The following ZNF609 variants were observed in gnomAD, a reference collection of about 807,000 sequenced individuals.
The protein encoded by ZNF609 is zinc finger protein 609.
A neutral mutation model predicts 109.5 loss-of-function variants in ZNF609; 11 were observed. The ratio of observed to expected loss-of-function variants is 0.10; its 90% CI spans 0.06 to 0.17. ZNF609 has a LOEUF of 0.17. Ranked by LOEUF, ZNF609 falls within the 10% of genes least tolerant of loss-of-function variation. The probability of loss-of-function intolerance (pLI) is 1.00; values close to 1 mark genes in which losing one functional copy is unlikely to be tolerated. For missense variants in ZNF609, 1,559 were observed against 1,772.4 expected, an observed-to-expected ratio of 0.88 and a Z score of 2.16; for synonymous variants, 646 against 662.0, an observed-to-expected ratio of 0.98 and a Z score of 0.37.
intron 2 of ZNF609, among the ~76,000 whole-genome samples, chr15:64,576,080 C>A (rs1213652591): frequency 6.6e-6 from 1 of 151,976 alleles, no homozygotes; most frequent in African/African-American, 2.4e-5. Flanking sequence ...CCAGCCTGGG[C>A]GACAGAGCGA....
Position 64,508,334 on chromosome 15 carries a change from G to T in ZNF609, c.747+8168G>T, listed in dbSNP as rs1893665826. Among the ~76,000 whole-genome samples the T allele has an allele frequency of 3.3e-5, 5 of 152,292 alleles. No homozygotes were observed. In the South Asian group the frequency reaches 1.0e-3, roughly 32 times the overall value. ...AAATGTGAGCAGTAAGAAGTTCTTA[G>T]CAAAGTTTATAAATATTCTGTCCTT... On this transcript the variant is annotated intron_variant, in intron 2 of 9. Transcript: ENST00000326648.
At chr15:64,637,276 C>T (rs1349731295) in intron 3 of ZNF609, among the ~76,000 whole-genome samples, 1 of 152,102 alleles carries the variant, frequency 6.6e-6, no homozygotes, top group African/African-American at 2.4e-5. Flanking sequence ...GAGTATACTG[C>T]TACTTATTCA....
chr15:64,526,238 A>G (rs1412777826), intron 2 of ZNF609, among the ~76,000 whole-genome samples: 2 of 149,550 alleles, frequency 1.3e-5, no homozygotes, highest in East Asian at 3.9e-4. Flanking sequence ...TCTTGATTTC[A>G]TATTTGGATT....
At chr15:64,529,923 T>C (rs1029557811) in intron 2 of ZNF609, among the ~76,000 whole-genome samples, 8 of 143,928 alleles carry the variant, frequency 5.6e-5, no homozygotes, top group Admixed American at 2.8e-4. Flanking sequence ...AGAGACGGGG[T>C]TTTTCCATGT....
At chr15:64,628,517 G>T (rs1378104134) in intron 3 of ZNF609, among the ~76,000 whole-genome samples, 1 of 152,026 alleles carries the variant, frequency 6.6e-6, no homozygotes, top group Non-Finnish European at 1.5e-5. Context: ...CAGGTGTGGT[G>T]ATACATGCCT....
intron 1 of ZNF609, among the ~76,000 whole-genome samples, chr15:64,474,670 C>A (rs953019203): frequency 1.3e-5 from 2 of 152,136 alleles, no homozygotes; most frequent in African/African-American, 4.8e-5. Context: ...TGCCAGGCCA[C>A]ACATAGTCTT....
chr15:64,491,318 T>C (rs772145454), intron 1 of ZNF609, among the ~76,000 whole-genome samples: 14 of 152,234 alleles, frequency 9.2e-5, no homozygotes, highest in Non-Finnish European at 2.1e-4. Flanking sequence ...GTAACCATAC[T>C]GAAGCTGGCT....
At chr15:64,490,095 A>G (rs527285402) in intron 1 of ZNF609, among the ~76,000 whole-genome samples, 2 of 152,182 alleles carry the variant, frequency 1.3e-5, no homozygotes, top group African/African-American at 4.8e-5. Context: ...AGTAACTGAG[A>G]CTACAGGCAT....
intron 2 of ZNF609, among the ~76,000 whole-genome samples, chr15:64,585,894 G>A (rs1370989544): frequency 1.3e-5 from 2 of 152,132 alleles, no homozygotes; most frequent in Non-Finnish European, 2.9e-5. Flanking sequence ...CGTTCAGACT[G>A]GAGTGCGGTG....
chr15:64,670,495 T>C, intron 4 of ZNF609, 62 bp downstream of exon 4: 2 of 1,382,084 alleles, frequency 1.4e-6, no homozygotes, highest in Non-Finnish European at 2.1e-6. Flanking sequence ...TGATCCCTTA[T>C]ACTTTTATCC....
intron 2 of ZNF609, among the ~76,000 whole-genome samples, chr15:64,555,134 G>A (rs1160703061): frequency 2.6e-5 from 4 of 151,780 alleles, no homozygotes; most frequent in Non-Finnish European, 4.4e-5. Flanking sequence ...GGAGACCAAG[G>A]TGGGAGGATC....
intron 1 of ZNF609, among the ~76,000 whole-genome samples, chr15:64,467,215 C>G (rs1015658228): frequency 1.3e-5 from 2 of 152,216 alleles, no homozygotes; most frequent in Admixed American, 6.5e-5. Context: ...CAGGTGAGAG[C>G]TGTCTGATGC....
At chr15:64,515,353 A>T (rs1893790804) in intron 2 of ZNF609, among the ~76,000 whole-genome samples, 1 of 152,202 alleles carries the variant, frequency 6.6e-6, no homozygotes, top group South Asian at 2.1e-4. Flanking sequence ...AGGACTGGCC[A>T]AACAAGTTTT....
chr15:64,632,971 A>T (rs1896108311), intron 3 of ZNF609, among the ~76,000 whole-genome samples: 1 of 149,482 alleles, frequency 6.7e-6, no homozygotes, highest in African/African-American at 2.5e-5. Flanking sequence ...TTTTGTAGAG[A>T]TGGGGTCTCA....
intron 1 of ZNF609, among the ~76,000 whole-genome samples, chr15:64,461,430 A>T (rs1892939577): frequency 1.3e-5 from 2 of 151,140 alleles, no homozygotes; most frequent in Admixed American, 6.6e-5. Context: ...CTATCCTTGT[A>T]CCCCCGGGAG....
Position 64,509,615 on chromosome 15 carries a change from G to A in ZNF609, c.747+9449G>A, listed in dbSNP as rs564748132. Among the ~76,000 whole-genome samples the A allele has an allele frequency of 2.0e-5, 3 of 152,328 alleles. No homozygotes were observed. In the East Asian group the frequency reaches 5.8e-4, roughly 29 times the overall value. On this transcript the variant is annotated intron_variant, in intron 2 of 9. Transcript: ENST00000326648. ...GAGAGATTGATTCAGAGCATTTGGA[G>A]GCATTGAAGTTTGGGGTTTTGTTGT... is the stretch of plus-strand genomic sequence containing the variant.
intron 2 of ZNF609, among the ~76,000 whole-genome samples, chr15:64,551,652 CAA>C (rs536364048): frequency 6.8e-4 from 62 of 90,994 alleles, no homozygotes; most frequent in Middle Eastern, 7.8e-3. Flanking sequence ...AACTCTGTCT[CAA>C]AAAAAAAAAA....
intron 2 of ZNF609, among the ~76,000 whole-genome samples, chr15:64,576,919 T>C (rs1353428936): frequency 8.4e-5 from 11 of 130,366 alleles, no homozygotes; most frequent in Non-Finnish European, 1.0e-4. Context: ...TATATATACA[T>C]ATATGTGTAT....
At chr15:64,567,675 A>G (rs1894798789) in intron 2 of ZNF609, among the ~76,000 whole-genome samples, 1 of 151,440 alleles carries the variant, frequency 6.6e-6, no homozygotes, top group African/African-American at 2.4e-5. Context: ...TTATTTATTT[A>G]TTTTGAGACA....
Sources: gnomAD v4.1 joint callset for allele counts (sites outside exome capture counted in the v4.1 genomes callset) on GRCh38, gnomAD v4.1.1 for gene constraint, MANE v1.5 for transcripts, NCBI Gene and HGNC (gene_info 2026-07-23, HGNC 2026-07-21) for gene names.